The following LRCH3 variants were observed in gnomAD, a reference collection of about 807,000 sequenced individuals.
The protein encoded by LRCH3 is DISP complex protein LRCH3.
A neutral mutation model predicts 104.5 loss-of-function variants in LRCH3; 68 were observed. The ratio of observed to expected loss-of-function variants is 0.65; its 90% CI spans 0.54 to 0.80. The LOEUF (loss-of-function observed/expected upper bound fraction) is 0.80, where lower values mean the gene tolerates loss of function less well. Among genes scored for constraint, LRCH3 ranks in the 30% least tolerant of loss-of-function variants. The pLI, the probability that LRCH3 is intolerant of heterozygous loss-of-function variation, is 0.00. For missense variants in LRCH3, 951 were observed against 953.9 expected (o/e 1.00, Z 0.04); for synonymous variants, 344 against 361.3 (o/e 0.95, Z 0.54).
chr3:197,797,344 A>AAAG (rs1483840771), intron 1 of LRCH3, among the ~76,000 whole-genome samples: 5 of 151,160 alleles, frequency 3.3e-5, no homozygotes, highest in Non-Finnish European at 5.9e-5. Context: ...AAAAAAAAAA[A>AAAG]AAAGATGTAG....
intron 15 of LRCH3, 148 bp from the exon 16 acceptor site, chr3:197,865,275 A>T: frequency 3.8e-6 from 2 of 532,038 alleles, no homozygotes; most frequent in Non-Finnish European, 3.3e-6. Context: ...GGCATGAGCC[A>T]CTGCACCTGA....
rs745605851 is a variant in LRCH3, at chr3:197,870,267, C to A, written c.1981C>A (p.Gln661Lys). The A allele has an allele frequency of 2.5e-6, 4 of 1,612,582 alleles. No individual in the cohort carries two copies. Among genetic ancestry groups the A allele is most frequent in the Non-Finnish European group, 2.5e-6 (3 of 1,178,828 alleles). The change falls in exon 18 of 21, where the codon CAA becomes AAA. Residue 661 changes from glutamine to lysine, a missense_variant. Transcript: ENST00000425562. ...AGAAGAAGAGCTGGAATTAATAGAC[C>A]AACTGCGTAAAGTATGTACATTACC... ...QREEELELID[Q>K]LRKHIEYRLK...
chr3:197,884,048 A>G lies in LRCH3; in HGVS notation c.*382A>G. On this transcript the variant is annotated 3_prime_UTR_variant, in exon 21 of 21. Transcript: ENST00000425562. ...AGACAACTGGTCTGCTGGTTTCTAA[A>G]CTTGGTTGTTCATTAGACTCTCCTG... The G allele has an allele frequency of 5.6e-6, 1 of 177,050 alleles. No homozygotes were observed. Among genetic ancestry groups the G allele is most frequent in the Non-Finnish European group, 1.2e-5 (1 of 84,746 alleles). 11.0% of individuals were successfully genotyped at this position (177,050 alleles called of 1,614,324 possible).
At chr3:197,834,969 C>T (rs112268441) in intron 8 of LRCH3, among the ~76,000 whole-genome samples, 3,935 of 152,010 alleles carry the variant, frequency 0.026, 178 homozygotes, top group African/African-American at 0.091. Flanking sequence ...CATGGTGAAA[C>T]CCCGTCTCTA....
intron 9 of LRCH3, among the ~76,000 whole-genome samples, chr3:197,837,805 G>A (rs1251098234): frequency 2.0e-5 from 3 of 152,044 alleles, no homozygotes; most frequent in Non-Finnish European, 2.9e-5. Context: ...CCAGCACTGT[G>A]GGAGGCCAAG....
intron 1 of LRCH3, among the ~76,000 whole-genome samples, chr3:197,791,914 C>T (rs2109073115): frequency 6.6e-6 from 1 of 152,114 alleles, no homozygotes; most frequent in African/African-American, 2.4e-5. Context: ...TTAGCGCGAG[C>T]TCTTCACAGA....
At chr3:197,835,059 G>A (rs542523936) in intron 8 of LRCH3, among the ~76,000 whole-genome samples, 17 of 152,104 alleles carry the variant, frequency 1.1e-4, no homozygotes, top group East Asian at 9.6e-4. Flanking sequence ...CAGGAGAATC[G>A]CTTGAACGTG....
At chr3:197,838,652 G>A (rs1737294270) in intron 9 of LRCH3, among the ~76,000 whole-genome samples, 1 of 152,032 alleles carries the variant, frequency 6.6e-6, no homozygotes. Context: ...ATTTTTCAGT[G>A]CGTGGTCTGT....
At chr3:197,866,825 A>AAAAC (rs144787772) in intron 17 of LRCH3, among the ~76,000 whole-genome samples, 12,155 of 151,904 alleles carry the variant, frequency 0.08, 596 homozygotes, top group Non-Finnish European at 0.11. Context: ...TCTGTCTCTT[A>AAAAC]AAACAAACAA....
chr3:197,882,062 T>C (rs1713816727), intron 20 of LRCH3: 2 of 985,340 alleles, frequency 2.0e-6, no homozygotes. Context: ...GAAACACCTG[T>C]TAAAAAACAC....
intron 15 of LRCH3, among the ~76,000 whole-genome samples, chr3:197,865,005 A>AAG (rs954675181): frequency 5.9e-5 from 9 of 151,964 alleles, no homozygotes; most frequent in South Asian, 4.1e-4. Flanking sequence ...GTCTCAAAAA[A>AAG]AGAGAGAGAG....
chr3:197,812,527 T>TTTTTTTTTTTTTTTTG, intron 1 of LRCH3, among the ~76,000 whole-genome samples: 1 of 143,348 alleles, frequency 7.0e-6, no homozygotes, highest in Non-Finnish European at 1.5e-5. Flanking sequence ...TTTTTTTTTT[T>TTTTTTTTTTTTTTTTG]TTTAGGTGGA....
At position 197,847,376 on chromosome 3, in the gene LRCH3, GT is replaced by G. The variant is rs756917247; in HGVS notation, c.1329-26del. 1.5e-5 allele frequency: 23 copies of G among 1,557,510 alleles called. No homozygotes were observed. The East Asian group carries it at 3.4e-4, about 23-fold the overall frequency. ...TATCTGTTTGTCTTTTTATCAAAGA[GT>G]TTTTTTCTTTCTTTTTTCTTTTTTG... On this transcript the variant is annotated intron_variant, in intron 10 of 20. Transcript: ENST00000425562.
At chr3:197,843,804 T>G (rs1738186417) in intron 10 of LRCH3, among the ~76,000 whole-genome samples, 2 of 152,358 alleles carry the variant, frequency 1.3e-5, no homozygotes, top group South Asian at 4.1e-4. Flanking sequence ...GTCTCAATAT[T>G]CCACACTTTT....
intron 1 of LRCH3, among the ~76,000 whole-genome samples, chr3:197,801,623 T>C (rs1731906535): frequency 6.6e-6 from 1 of 152,220 alleles, no homozygotes; most frequent in African/African-American, 2.4e-5. Flanking sequence ...CTTATTGTTT[T>C]CTTAATACCC....
intron 1 of LRCH3, among the ~76,000 whole-genome samples, chr3:197,799,797 C>T (rs182651884): frequency 8.0e-4 from 121 of 151,938 alleles, no homozygotes; most frequent in African/African-American, 2.6e-3. Flanking sequence ...TTGCTTATCC[C>T]GGGAGGCAGA....
At chr3:197,852,395 T>C in intron 12 of LRCH3, 166 bp from the exon 13 acceptor site, 1 of 643,962 alleles carries the variant, frequency 1.6e-6, no homozygotes, top group Non-Finnish European at 2.7e-6. Context: ...GTATAGTTTT[T>C]AAAATTTCTA....
rs28517540 is a variant in LRCH3, at chr3:197,884,951, G to A, written c.*1285G>A. On this transcript the variant is annotated 3_prime_UTR_variant, in exon 21 of 21. Coordinates refer to ENST00000425562, the MANE Select transcript of LRCH3 (RefSeq NM_001365715.1). The stretch of plus-strand genomic sequence containing the variant: ...GTAAAACAGTGAAACAGATAGAGTT[G>A]TATTTAAGGTCAGTATTCTAGGCCT... 9.9e-5 allele frequency: 15 copies of A among 152,168 alleles called. No individual in the cohort carries two copies. The highest frequency in any genetic ancestry group is 3.6e-4 in the African/African-American group (15 of 41,420). 9.4% of individuals were successfully genotyped at this position (152,168 alleles called of 1,614,324 possible).
chr3:197,817,921 C>T (rs755439699), intron 3 of LRCH3, among the ~76,000 whole-genome samples: 7 of 152,042 alleles, frequency 4.6e-5, no homozygotes, highest in Non-Finnish European at 8.8e-5. Flanking sequence ...CCCAGGTTCA[C>T]GCCATTCTCC....
Sources: allele counts gnomAD v4.1 joint callset (sites outside exome capture counted in the v4.1 genomes callset), GRCh38; gene constraint gnomAD v4.1.1; transcripts MANE v1.5; gene names NCBI Gene and HGNC (gene_info 2026-07-23, HGNC 2026-07-21).